Variants in MSRB2 observed in about 807,000 individuals in gnomAD.
The protein encoded by MSRB2 is methionine sulfoxide reductase B2.
MSRB2 carries 17 observed loss-of-function variants against 19.0 expected under a neutral mutation model. That is an observed-to-expected ratio of 0.89 (90% CI 0.61 to 1.34). The LOEUF (loss-of-function observed/expected upper bound fraction) is 1.34. MSRB2 is among the 40% of genes most tolerant of loss of function. The probability of loss-of-function intolerance (pLI) is 0.00; values close to 1 mark genes in which losing one functional copy is unlikely to be tolerated. For missense variants in MSRB2, 208 were observed against 237.6 expected (o/e 0.88, Z 0.82); for synonymous variants, 107 against 99.7 (o/e 1.07, Z -0.44).
At chr10:23,113,385 C>T (rs1011186100) in intron 3 of MSRB2, among the ~76,000 whole-genome samples, 14 of 152,062 alleles carry the variant, frequency 9.2e-5, no homozygotes, top group Admixed American at 4.6e-4. Flanking sequence ...TAGCACACAC[C>T]ATGGGTTTTT....
At chr10:23,107,561 A>G (rs1839997229) in intron 2 of MSRB2, among the ~76,000 whole-genome samples, 1 of 152,216 alleles carries the variant, frequency 6.6e-6, no homozygotes, top group Non-Finnish European at 1.5e-5. Flanking sequence ...CTCCCATCTC[A>G]GATAATATCT....
intron 1 of MSRB2, among the ~76,000 whole-genome samples, chr10:23,100,526 A>C (rs1315489991): frequency 1.3e-5 from 2 of 152,232 alleles, no homozygotes; most frequent in Non-Finnish European, 2.9e-5. Flanking sequence ...TACAGGAAGC[A>C]TGGCTGGGGA....
chr10:23,095,957 G>A (rs1041886129), intron 1 of MSRB2, among the ~76,000 whole-genome samples: 6 of 150,984 alleles, frequency 4.0e-5, no homozygotes, highest in African/African-American at 9.8e-5. Flanking sequence ...ATGAACAAAT[G>A]ATCCCCCTAA....
chr10:23,105,633 T>C (rs1427784967), intron 2 of MSRB2, among the ~76,000 whole-genome samples: 2 of 152,230 alleles, frequency 1.3e-5, no homozygotes, highest in African/African-American at 2.4e-5. Flanking sequence ...CTTTTTTGAA[T>C]TGAACTTTGT....
At chr10:23,107,958 A>ATT (rs201449480) in intron 2 of MSRB2, among the ~76,000 whole-genome samples, 5 of 146,448 alleles carry the variant, frequency 3.4e-5, no homozygotes, top group Non-Finnish European at 6.0e-5. Context: ...CTTTTCATTG[A>ATT]TTTTTTTTTT....
rs1424632922 is a variant in MSRB2, at chr10:23,105,331, C to T, written c.219+1087C>T. Among the ~76,000 whole-genome samples, 9 of 151,976 alleles carry T rather than the reference C, an allele frequency of 5.9e-5. No homozygotes were observed. In the East Asian group the frequency reaches 7.8e-4, roughly 13 times the overall value. Reference sequence around the variant, plus strand: ...CAGGGTATTTAGGGTGTCTGTCACCCGAATACAATACATTTTTGTTAAGTG... The same window carrying T: ...CAGGGTATTTAGGGTGTCTGTCACCTGAATACAATACATTTTTGTTAAGTG... On this transcript the variant is annotated intron_variant, in intron 2 of 4. Coordinates refer to ENST00000376510, the MANE Select transcript of MSRB2 (RefSeq NM_012228.4).
intron 1 of MSRB2, among the ~76,000 whole-genome samples, chr10:23,097,585 G>C (rs890778865): frequency 6.6e-6 from 1 of 152,192 alleles, no homozygotes; most frequent in Non-Finnish European, 1.5e-5. Flanking sequence ...TTGGGAGTTA[G>C]GGCTTTAGCA....
rs1350616936 is a variant in MSRB2 at position 23,095,607 on chromosome 10, T to A, written c.-2T>A. The A allele has an allele frequency of 6.8e-7, 1 of 1,477,900 alleles. No homozygotes were observed. Among genetic ancestry groups the A allele is most frequent in the Non-Finnish European group, 8.9e-7 (1 of 1,120,386 alleles). 91.5% of individuals were successfully genotyped at this position (1,477,900 alleles called of 1,614,324 possible). Reference sequence around the variant, plus strand: ...GGGCGGAGCGGCGCCGGAGCGGGCGTCATGGCGCGGCTCCTCTGGTTGCTC... The same window carrying A: ...GGGCGGAGCGGCGCCGGAGCGGGCGACATGGCGCGGCTCCTCTGGTTGCTC... On this transcript the variant is annotated 5_prime_UTR_variant, in exon 1 of 5. Transcript: ENST00000376510.
rs767702970 is a variant in MSRB2 at position 23,096,352 on chromosome 10, C to CTGTGTGTGTG, written c.118+638_118+647dup. Among the ~76,000 whole-genome samples, 980 of 142,822 alleles carry CTGTGTGTGTG rather than the reference C, an allele frequency of 6.9e-3. 13 individuals carry two copies. The highest frequency in any genetic ancestry group is 0.024 in the African/African-American group (872 of 36,566). 93.7% of individuals were successfully genotyped at this position (142,822 alleles called of 152,430 possible). A position where few individuals can be genotyped will look rare whatever the true frequency, so the allele number is the denominator to read the frequency against. On this transcript the variant is annotated intron_variant, in intron 1 of 4. Transcript: ENST00000376510. Reference sequence around the variant, plus strand: ...TGTGTGTGTGTGTCTCTCTCTCTCTCTGTGTGTGTGTGTGTGTGTGTTTCT... The same window carrying CTGTGTGTGTG: ...TGTGTGTGTGTGTCTCTCTCTCTCTCTGTGTGTGTGTGTGTGTGTGTGTGTGTGTGTTTCT...
chr10:23,106,123 G>A (rs142706161), intron 2 of MSRB2, among the ~76,000 whole-genome samples: 1 of 152,294 alleles, frequency 6.6e-6, no homozygotes, highest in East Asian at 1.9e-4. Flanking sequence ...AACAGATGGT[G>A]CAATATACTC....
chr10:23,120,948 C>CA lies in MSRB2; in HGVS notation c.*88dup. 4.8e-6 allele frequency: 5 copies of CA among 1,051,222 alleles called. No individual in the cohort carries two copies. Among genetic ancestry groups the CA allele is most frequent in the South Asian group, 1.5e-5 (1 of 68,506 alleles). 65.1% of individuals were successfully genotyped at this position (1,051,222 alleles called of 1,614,324 possible). A position where few individuals can be genotyped will look rare whatever the true frequency, so the allele number is the denominator to read the frequency against. On this transcript the variant is annotated 3_prime_UTR_variant, in exon 5 of 5. Coordinates refer to ENST00000376510, the MANE Select transcript of MSRB2 (RefSeq NM_012228.4). ...TCACTTGAATGACTTGTTTTATTTG[C>CA]AATAAAACTGGGCTGAATTTGCTGC...
chr10:23,120,374 T>C (rs1156979172), intron 4 of MSRB2, among the ~76,000 whole-genome samples: 1 of 152,204 alleles, frequency 6.6e-6, no homozygotes, highest in African/African-American at 2.4e-5. Context: ...CCTTAAGTAA[T>C]AAATAATAAT....
At chr10:23,096,352 C>CTCTGTGTGTGTGTGTG (rs144653384) in intron 1 of MSRB2, among the ~76,000 whole-genome samples, 1,528 of 142,800 alleles carry the variant, frequency 0.011, 12 homozygotes, top group Non-Finnish European at 0.013. Context: ...CTCTCTCTCT[C>CTCTGTGTGTGTGTGTG]TGTGTGTGTG....
intron 3 of MSRB2, among the ~76,000 whole-genome samples, chr10:23,118,187 A>C (rs972250902): frequency 2.7e-4 from 41 of 152,302 alleles, no homozygotes; most frequent in African/African-American, 9.1e-4. Context: ...CACAGAGGGG[A>C]CATGAGGGGT....
In MSRB2 at chr10:23,104,255, C is replaced by G. The variant is rs1288688117; in HGVS notation, c.219+11C>G. The G allele has an allele frequency of 1.2e-6, 2 of 1,610,200 alleles. No homozygotes were observed. ...AAGGGAACGGAACCGGTAAGCTAAG[C>G]TGGTTTACAGTTTTCTGATTGCATG... On this transcript the variant is annotated intron_variant, in intron 2 of 4. Transcript: ENST00000376510.
chr10:23,104,639 G>A (rs1272428343), intron 2 of MSRB2, among the ~76,000 whole-genome samples: 2 of 152,084 alleles, frequency 1.3e-5, no homozygotes, highest in South Asian at 2.1e-4. Context: ...AACCTTTGGT[G>A]GCTGCCCAGT....
At position 23,104,238 on chromosome 10, in the gene MSRB2, G is replaced by A. The variant is rs867011837; in HGVS notation, c.213G>A (p.Thr71=). The change falls in exon 2 of 5, where the codon ACG becomes ACA. Residue 71 remains threonine (T), a synonymous_variant. Coordinates refer to ENST00000376510, the MANE Select transcript of MSRB2 (RefSeq NM_012228.4). The stretch of plus-strand genomic sequence containing the variant: ...TCTACGTCACAAGAGAAAAGGGAAC[G>A]GAACCGGTAAGCTAAGCTGGTTTAC... ...EQFYVTREKG[T]EPPFSGIYLN... is the part of the protein sequence containing the mutation. 6 of 1,612,378 alleles carry A rather than the reference G, an allele frequency of 3.7e-6. No individual in the cohort carries two copies. The highest frequency in any genetic ancestry group is 5.1e-6 in the Non-Finnish European group (6 of 1,179,380).
In MSRB2 at chr10:23,110,286, T is replaced by C; in HGVS notation, c.264T>C (p.Tyr88=). 8 of 1,614,038 alleles carry C rather than the reference T, an allele frequency of 5.0e-6. No individual in the cohort carries two copies. The highest frequency in any genetic ancestry group is 6.8e-6 in the Non-Finnish European group (8 of 1,179,942). ...IYLNNKEAGM[Y]HCVCCDSPLF... ...TGAATAACAAGGAAGCAGGAATGTA[T>C]CATTGCGTGTGCTGCGACAGTCCAC... Residue 88 remains tyrosine, a synonymous_variant, in exon 3 of 5, where the codon TAT becomes TAC. Coordinates refer to ENST00000376510, the MANE Select transcript of MSRB2 (RefSeq NM_012228.4).
intron 1 of MSRB2, among the ~76,000 whole-genome samples, chr10:23,096,574 T>C (rs1839872601): frequency 6.6e-6 from 1 of 152,202 alleles, no homozygotes; most frequent in Non-Finnish European, 1.5e-5. Flanking sequence ...TATGTGTTCA[T>C]TGAAGACATT....
Sources: allele counts gnomAD v4.1 joint callset (sites outside exome capture counted in the v4.1 genomes callset), GRCh38; gene constraint gnomAD v4.1.1; transcripts MANE v1.5; gene names NCBI Gene and HGNC (gene_info 2026-07-23, HGNC 2026-07-21).